The following ZFAND4 variants were observed in gnomAD, a reference collection of about 807,000 sequenced individuals.
ZFAND4 encodes zinc finger AN1-type containing 4, also known as AN1-type zinc finger protein 4.
ZFAND4 carries 43 observed loss-of-function variants against 64.4 expected under a neutral mutation model. That is an observed-to-expected ratio of 0.67 (90% CI 0.52 to 0.86). The LOEUF is 0.86. ZFAND4 is among the 40% of genes least tolerant of loss of function. ZFAND4 has a pLI of 0.00. For synonymous variants in ZFAND4, 296 were observed against 305.7 expected (o/e 0.97, Z 0.33); for missense variants, 929 against 859.8 (o/e 1.08, Z -1.01).
rs2045857820 is a variant in ZFAND4, at chr10:45,626,726, T to C, written c.1097A>G (p.Gln366Arg). The change falls in exon 7 of 10, where the codon CAA (glutamine) becomes CGA (arginine). Residue 366 changes from glutamine to arginine, a missense_variant. Gln to Arg is a conservative substitution (Grantham distance 43). Transcript: ENST00000344646. ...CAAGTTTCCTAAAAAATGTTTTGTT[T>C]GCCTAGGCAGGGATGATCCAAGATG... ...VLHLGSSLPR[Q>R]TKHFLGNLPS... 2.5e-6 allele frequency: 4 copies of C among 1,614,234 alleles called. No individual in the cohort carries two copies. The East Asian group carries it at 8.9e-5, about 36-fold the overall frequency.
At chr10:45,656,852 A>T (rs1279623521) in intron 2 of ZFAND4, among the ~76,000 whole-genome samples, 1 of 151,982 alleles carries the variant, frequency 6.6e-6, no homozygotes, top group Non-Finnish European at 1.5e-5. Context: ...CCGTGAGAGG[A>T]TGTAGAAAGA....
intron 2 of ZFAND4, among the ~76,000 whole-genome samples, chr10:45,656,376 G>A (rs1158105548): frequency 6.6e-6 from 1 of 151,650 alleles, no homozygotes; most frequent in African/African-American, 2.4e-5. Flanking sequence ...GAGGTGGGCA[G>A]ATCACAAGGT....
chr10:45,621,152 G>A (rs779183597), intron 8 of ZFAND4, among the ~76,000 whole-genome samples: 4 of 152,070 alleles, frequency 2.6e-5, no homozygotes, highest in Non-Finnish European at 5.9e-5. Context: ...TAAAATCAAT[G>A]GCTAAATCTA....
chr10:45,629,270 C>G (rs1159929544), intron 6 of ZFAND4, among the ~76,000 whole-genome samples: 1 of 152,044 alleles, frequency 6.6e-6, no homozygotes, highest in Non-Finnish European at 1.5e-5. Flanking sequence ...CCTATGTTGA[C>G]AGGCTGGTCT....
chr10:45,634,107 G>C (rs2046394618), intron 6 of ZFAND4, among the ~76,000 whole-genome samples: 1 of 151,696 alleles, frequency 6.6e-6, no homozygotes, highest in Non-Finnish European at 1.5e-5. Context: ...AATAAATAAA[G>C]TACTTAGGGG....
In ZFAND4 at chr10:45,663,614, T is replaced by C; in HGVS notation, c.112A>G (p.Thr38Ala). 1 of 1,611,334 alleles carries C rather than the reference T, an allele frequency of 6.2e-7. No homozygotes were observed. Among genetic ancestry groups the C allele is most frequent in the Non-Finnish European group, 8.5e-7 (1 of 1,179,270 alleles). Reference protein sequence around the residue: ...MELFIETLTGTCFELRVSPFE... With the variant: ...MELFIETLTGACFELRVSPFE... ...GGTGAAACTCTCAGCTCAAAACATG[T>C]TCCAGTTAATGTTTCAATGAAGAGC... The change falls in exon 2 of 10, where the codon ACA becomes GCA. Residue 38 changes from threonine to alanine, a missense_variant. Transcript: ENST00000344646.
At chr10:45,669,175 G>A (rs1052063080) in intron 1 of ZFAND4, among the ~76,000 whole-genome samples, 3 of 151,838 alleles carry the variant, frequency 2.0e-5, no homozygotes, top group African/African-American at 7.3e-5. Flanking sequence ...TCAAATAGAT[G>A]CAATAAAAAA....
chr10:45,670,533 C>T (rs934196347), intron 1 of ZFAND4, among the ~76,000 whole-genome samples: 3 of 152,200 alleles, frequency 2.0e-5, no homozygotes, highest in Non-Finnish European at 4.4e-5. Context: ...AGCCACTGTG[C>T]CCAGCCTACA....
At chr10:45,636,633 T>C (rs892742215) in intron 6 of ZFAND4, among the ~76,000 whole-genome samples, 1 of 149,964 alleles carries the variant, frequency 6.7e-6, no homozygotes, top group Non-Finnish European at 1.5e-5. Flanking sequence ...CAAGATTCTG[T>C]CTCAAAAAAA....
At chr10:45,639,637 T>G (rs2046853875) in intron 6 of ZFAND4, 179 bp downstream of exon 6, 1 of 559,772 alleles carries the variant, frequency 1.8e-6, no homozygotes, top group South Asian at 3.7e-5. Context: ...TCCCTTCAGG[T>G]GTGCTTCTAA....
intron 2 of ZFAND4, among the ~76,000 whole-genome samples, chr10:45,656,517 A>G (rs1266031620): frequency 1.3e-5 from 2 of 150,222 alleles, no homozygotes; most frequent in African/African-American, 4.8e-5. Context: ...AAAAAAAAAA[A>G]AAAAAAAAGA....
chr10:45,659,974 G>A (rs541176262), intron 2 of ZFAND4, among the ~76,000 whole-genome samples: 211 of 152,008 alleles, frequency 1.4e-3, no homozygotes, highest in African/African-American at 5.0e-3. Context: ...TCAGGAGATC[G>A]AGACCATCCT....
intron 6 of ZFAND4, among the ~76,000 whole-genome samples, chr10:45,630,312 C>T (rs116655250): frequency 1.5e-3 from 225 of 152,052 alleles, no homozygotes; most frequent in African/African-American, 4.6e-3. Context: ...TAGGAGGATA[C>T]GAAATGAGAG....
chr10:45,626,863 A>G lies in ZFAND4; in HGVS notation c.960T>C (p.Asp320=). 1 of 1,614,202 alleles carries G rather than the reference A, an allele frequency of 6.2e-7. No homozygotes were observed. Among genetic ancestry groups the G allele is most frequent in the Non-Finnish European group, 8.5e-7 (1 of 1,180,038 alleles). The change falls in exon 7 of 10, where the codon GAT becomes GAC. Residue 320 remains aspartate, a synonymous_variant. Transcript: ENST00000344646. The stretch of plus-strand genomic sequence containing the variant: ...ACAGTGTGTTATTCTCCCAGCTATT[A>G]TCTTCCTTAAGAAATTCACCAGTGA... The part of the protein sequence containing the change: ...SSITGEFLKE[D]NSWENNTLSH...
chr10:45,645,204 C>T (rs2047296086), intron 5 of ZFAND4, among the ~76,000 whole-genome samples: 1 of 152,118 alleles, frequency 6.6e-6, no homozygotes, highest in Admixed American at 6.6e-5. Context: ...AACTCCCGGA[C>T]TCAAGAGATT....
intron 8 of ZFAND4, among the ~76,000 whole-genome samples, chr10:45,621,885 T>C (rs1039047165): frequency 6.6e-6 from 1 of 152,056 alleles, no homozygotes; most frequent in Admixed American, 6.6e-5. Flanking sequence ...TCAAATAAGA[T>C]AAAGATATGG....
intron 6 of ZFAND4, among the ~76,000 whole-genome samples, chr10:45,635,195 CAAAAAAAAAA>C (rs1173808756): frequency 3.6e-5 from 1 of 27,628 alleles, no homozygotes; most frequent in Non-Finnish European, 6.2e-5. Flanking sequence ...GCCATCTAAG[CAAAAAAAAAA>C]AAAAAAAACA....
rs991366122 is a variant in ZFAND4 at position 45,642,390 on chromosome 10, G to A, written c.570-2427C>T. On this transcript the variant is annotated intron_variant, in intron 5 of 9. Coordinates refer to ENST00000344646, the MANE Select transcript of ZFAND4 (RefSeq NM_174890.4). ...TGGGAGGCCGAGGCGGGTGGATCAC[G>A]AGGTCAGGAGATCGAGACCATCCTG... Among the ~76,000 whole-genome samples, 8 of 151,862 alleles carry A rather than the reference G, an allele frequency of 5.3e-5. 1 individual carries two copies. In the South Asian group the frequency reaches 8.3e-4, roughly 16 times the overall value.
chr10:45,658,319 T>C (rs531339911), intron 2 of ZFAND4, among the ~76,000 whole-genome samples: 2 of 152,218 alleles, frequency 1.3e-5, no homozygotes, highest in South Asian at 4.2e-4. Flanking sequence ...ACTAGAAAGA[T>C]TGAAAGCAAA....
Sources: allele counts gnomAD v4.1 joint callset (sites outside exome capture counted in the v4.1 genomes callset), GRCh38; gene constraint gnomAD v4.1.1; transcripts MANE v1.5; gene names NCBI Gene and HGNC (gene_info 2026-07-23, HGNC 2026-07-21).